Variants in PARP8 observed in about 807,000 individuals in gnomAD.
PARP8 encodes the protein poly(ADP-ribose) polymerase family member 8.
PARP8 carries 51 observed loss-of-function variants against 124.1 expected under a neutral mutation model. The ratio of observed to expected loss-of-function variants is 0.41; its 90% CI spans 0.33 to 0.52. The LOEUF (loss-of-function observed/expected upper bound fraction) is 0.52, where lower values mean the gene tolerates loss of function less well. Ranked by LOEUF, PARP8 falls within the 20% of genes least tolerant of loss-of-function variation. The probability of loss-of-function intolerance (pLI) is 0.21; values close to 1 mark genes in which losing one functional copy is unlikely to be tolerated. For missense variants in PARP8, 860 were observed against 1,018.9 expected (o/e 0.84, Z 2.12); for synonymous variants, 391 against 361.5 (o/e 1.08, Z -0.93).
At chr5:50,831,040 T>C (rs981051702) in intron 22 of PARP8, among the ~76,000 whole-genome samples, 4 of 152,120 alleles carry the variant, frequency 2.6e-5, no homozygotes, top group African/African-American at 9.7e-5. Context: ...TTCTCAATGA[T>C]AGGAAACTTG....
At position 50,826,666 on chromosome 5, in the gene PARP8, A is replaced by G. The variant is rs1308539116; in HGVS notation, c.1929-89A>G. On this transcript the variant is annotated intron_variant, in intron 18 of 25. Transcript: ENST00000281631. ...CCAAGTTTAGTTTATGGCACAGCAA[A>G]AATAAGTTTTAATCGGTTGCCAACT... The G allele has an allele frequency of 6.2e-6, 9 of 1,462,780 alleles. No individual in the cohort carries two copies. In the African/African-American group the frequency reaches 1.3e-4, roughly 22 times the overall value. The allele number at this position is 1,462,780 out of a possible 1,614,324, so 90.6% of individuals were successfully genotyped here.
intron 3 of PARP8, among the ~76,000 whole-genome samples, chr5:50,754,148 T>TATATATATATATATATATATAG (rs1554055387): frequency 4.5e-5 from 1 of 22,432 alleles, no homozygotes; most frequent in Admixed American, 4.2e-4. Flanking sequence ...TATATATATA[T>TATATATATATATATATATATAG]ATACACACAC....
At chr5:50,743,472 G>A (rs549780007) in intron 2 of PARP8, among the ~76,000 whole-genome samples, 59 of 152,138 alleles carry the variant, frequency 3.9e-4, no homozygotes, top group Admixed American at 9.2e-4. Flanking sequence ...GTTGGGTCTG[G>A]AGGTGGGTAG....
chr5:50,700,453 GT>G (rs1434928986), intron 2 of PARP8, among the ~76,000 whole-genome samples: 1 of 152,042 alleles, frequency 6.6e-6, no homozygotes, highest in Non-Finnish European at 1.5e-5. Context: ...GTAAATTTTT[GT>G]TTGATCCCAC....
intron 10 of PARP8, among the ~76,000 whole-genome samples, chr5:50,792,095 T>C (rs1404301097): frequency 1.3e-5 from 2 of 152,184 alleles, no homozygotes; most frequent in Admixed American, 6.5e-5. Flanking sequence ...TATCATCTGC[T>C]CTTGACGCGA....
intron 14 of PARP8, among the ~76,000 whole-genome samples, chr5:50,813,541 G>C (rs1211270818): frequency 6.6e-6 from 1 of 152,132 alleles, no homozygotes; most frequent in African/African-American, 2.4e-5. Context: ...TCTGCAAACA[G>C]GGACAATTTG....
At chr5:50,668,866 A>G (rs1397540861) in intron 2 of PARP8, 1 of 152,258 alleles carries the variant, frequency 6.6e-6, no homozygotes, top group African/African-American at 2.4e-5. Flanking sequence ...GTAGTTTAAA[A>G]GAGCAGTAGC....
intron 2 of PARP8, among the ~76,000 whole-genome samples, chr5:50,726,480 T>C (rs563676289): frequency 6.3e-4 from 96 of 152,326 alleles, no homozygotes; most frequent in Middle Eastern, 6.8e-3. Context: ...TTTTCTTGTT[T>C]AGCCACATGA....
chr5:50,795,471 A>ATT, intron 12 of PARP8, 54 bp downstream of exon 12: 3 of 1,376,030 alleles, frequency 2.2e-6, no homozygotes, highest in Non-Finnish European at 1.9e-6. Flanking sequence ...GTGCAGTAGA[A>ATT]TTTTTTTTTT....
At chr5:50,767,082 G>A (rs2149587538) in intron 7 of PARP8, among the ~76,000 whole-genome samples, 1 of 152,246 alleles carries the variant, frequency 6.6e-6, no homozygotes, top group South Asian at 2.1e-4. Flanking sequence ...TGAGCTAAGT[G>A]CTAGTGTGTT....
chr5:50,770,684 A>G (rs1284740724), intron 7 of PARP8, among the ~76,000 whole-genome samples: 1 of 151,228 alleles, frequency 6.6e-6, no homozygotes, highest in African/African-American at 2.5e-5. Flanking sequence ...AGAAATAACG[A>G]AAGAAAGCAA....
intron 2 of PARP8, among the ~76,000 whole-genome samples, chr5:50,741,543 C>G (rs1241463758): frequency 1.3e-5 from 2 of 152,134 alleles, no homozygotes; most frequent in Non-Finnish European, 2.9e-5. Context: ...AGACATTTAA[C>G]TTACAGTGTA....
chr5:50,667,239 C>G, intron 1 of PARP8, 53 bp downstream of exon 1: 4 of 1,560,832 alleles, frequency 2.6e-6, no homozygotes, highest in South Asian at 1.1e-5. Context: ...TCCCAGTTTT[C>G]TGACCGCGAC....
chr5:50,776,760 A>G (rs1309602829), intron 7 of PARP8, among the ~76,000 whole-genome samples: 3 of 152,176 alleles, frequency 2.0e-5, no homozygotes, highest in Non-Finnish European at 4.4e-5. Flanking sequence ...AATCATTAAA[A>G]GTTTCTTCTC....
At position 50,825,709 on chromosome 5, in the gene PARP8, A is replaced by G. The variant is rs567150924; in HGVS notation, c.1928+734A>G. On this transcript the variant is annotated intron_variant, in intron 18 of 25. Coordinates refer to ENST00000281631, the MANE Select transcript of PARP8 (RefSeq NM_024615.4). ...CTTTGAATTAACTTTGAAAACTCCAACTCCGTGAGATTTACCATACAGTAA... is the reference window on the plus strand; with the variant it reads ...CTTTGAATTAACTTTGAAAACTCCAGCTCCGTGAGATTTACCATACAGTAA... Among the ~76,000 whole-genome samples, 3 of 152,208 alleles carry G rather than the reference A, an allele frequency of 2.0e-5. No homozygotes were observed. In the East Asian group the frequency reaches 5.8e-4, roughly 29 times the overall value.
At position 50,826,746 on chromosome 5, in the gene PARP8, T is replaced by G; in HGVS notation, c.1929-9T>G. 6.3e-7 allele frequency: 1 copy of G among 1,579,646 alleles called. No individual in the cohort carries two copies. Among genetic ancestry groups the G allele is most frequent in the Non-Finnish European group, 8.6e-7 (1 of 1,169,118 alleles). On this transcript the variant is annotated splice_polypyrimidine_tract_variant and intron_variant, in intron 18 of 25. Transcript: ENST00000281631. ...TGTATTTGTGACTAATGGATCATTT[T>G]AATTTCAGGGTTATATCAAGTAATA...
chr5:50,804,402 G>A (rs1184716779), intron 14 of PARP8, among the ~76,000 whole-genome samples: 5 of 152,190 alleles, frequency 3.3e-5, no homozygotes, highest in South Asian at 2.1e-4. Context: ...CTGAGCTGGC[G>A]AATGGAAGAT....
Position 50,842,259 on chromosome 5 carries a change from AG to A in PARP8, c.*194del, listed in dbSNP as rs1452212447. The stretch of plus-strand genomic sequence containing the variant: ...AAATGGTATAAGATTTATCAATTGT[AG>A]GGTTATGGAATCTAGTAATAAAATT... On this transcript the variant is annotated 3_prime_UTR_variant, in exon 26 of 26. Transcript: ENST00000281631. The A allele has an allele frequency of 2.3e-6, 1 of 434,416 alleles. No homozygotes were observed. The highest frequency in any genetic ancestry group is 4.1e-6 in the Non-Finnish European group (1 of 245,712). The allele number at this position is 434,416 out of a possible 1,614,324, so 26.9% of individuals were successfully genotyped here. A position where few individuals can be genotyped will look rare whatever the true frequency, so the allele number is the denominator to read the frequency against.
chr5:50,740,393 A>G (rs1322056072), intron 2 of PARP8, among the ~76,000 whole-genome samples: 1 of 152,206 alleles, frequency 6.6e-6, no homozygotes, highest in Non-Finnish European at 1.5e-5. Flanking sequence ...CAACATGCTC[A>G]AGAACTGAAA....
Sources: allele counts gnomAD v4.1 joint callset (sites outside exome capture counted in the v4.1 genomes callset), GRCh38; gene constraint gnomAD v4.1.1; transcripts MANE v1.5; gene names NCBI Gene and HGNC (gene_info 2026-07-23, HGNC 2026-07-21).